CLIP3: variants seen among roughly 807,000 people sequenced by gnomAD.
CLIP3 encodes CAP-Gly domain-containing linker protein 3.
CLIP3 carries 15 observed loss-of-function variants against 59.4 expected under a neutral mutation model. The observed-to-expected ratio is 0.25, with a 90% CI of 0.17 to 0.39. The LOEUF (loss-of-function observed/expected upper bound fraction) is 0.39. Ranked by LOEUF, CLIP3 falls within the 10% of genes least tolerant of loss-of-function variation. CLIP3 has a pLI of 1.00. For missense variants in CLIP3, 495 were observed against 765.7 expected (o/e 0.65, Z 4.17); for synonymous variants, 300 against 321.6 (o/e 0.93, Z 0.72).
rs1322387420 is a variant in CLIP3, at chr19:36,016,667, C to T, written c.1589+240G>A. The T allele has an allele frequency of 1.8e-6, 1 of 552,044 alleles. No homozygotes were observed. Among genetic ancestry groups the T allele is most frequent in the Non-Finnish European group, 3.3e-6 (1 of 307,546 alleles). 34.2% of individuals were successfully genotyped at this position (552,044 alleles called of 1,614,324 possible). A position where few individuals can be genotyped will look rare whatever the true frequency, so the allele number is the denominator to read the frequency against. On this transcript the variant is annotated intron_variant, in intron 13 of 13. Transcript: ENST00000360535. The surrounding 1 kb of genome is among the most constrained non-coding windows in gnomAD (Gnocchi z 4.1). ...CCGGTCTCTAGCTGTTGTTCTGAGG[C>T]TCGTATGGAGTGAAGGGTGTTCTGC... is the stretch of plus-strand genomic sequence containing the variant.
At chr19:36,023,695 C>T (rs186122715) in intron 7 of CLIP3, among the ~76,000 whole-genome samples, 27 of 152,120 alleles carry the variant, frequency 1.8e-4, no homozygotes, top group Non-Finnish European at 2.9e-4. Context: ...TGTGAACTAC[C>T]GTGCCCAGCC....
rs1217729766 is a variant in CLIP3 at position 36,015,455 on chromosome 19, G to C, written c.*703C>G. The C allele has an allele frequency of 6.5e-6, 1 of 152,852 alleles. No individual in the cohort carries two copies. The highest frequency in any genetic ancestry group is 1.5e-5 in the Non-Finnish European group (1 of 68,186). The allele number at this position is 152,852 out of a possible 1,614,324, so 9.5% of individuals were successfully genotyped here. On this transcript the variant is annotated 3_prime_UTR_variant, in exon 14 of 14. Coordinates refer to ENST00000360535, the MANE Select transcript of CLIP3 (RefSeq NM_015526.3). ...GGGTGGGCTTCATACAAGGCACTGG[G>C]GGTTTCTTGAGGGTGCAGAGGGTAG...
At chr19:36,031,062 C>T (rs1311203332) in intron 2 of CLIP3, among the ~76,000 whole-genome samples, 1 of 110,526 alleles carries the variant, frequency 9.0e-6, no homozygotes. Flanking sequence ...TACTCTGTCA[C>T]TCAGGCTGGA....
chr19:36,021,857 TG>T (rs1968958749), intron 7 of CLIP3, among the ~76,000 whole-genome samples: 1 of 152,050 alleles, frequency 6.6e-6, no homozygotes, highest in Non-Finnish European at 1.5e-5. Flanking sequence ...AATTAATTAG[TG>T]CTGATCTTTT....
chr19:36,027,048 G>A lies in CLIP3; in HGVS notation c.307-3C>T, dbSNP rs375601046. 4.5e-4 allele frequency: 719 copies of A among 1,601,184 alleles called. 3 individuals are homozygous for A. In the Middle Eastern group the frequency reaches 5.3e-3, roughly 12 times the overall value. On this transcript the variant is annotated splice_polypyrimidine_tract_variant and splice_region_variant and intron_variant, in intron 3 of 13. Coordinates refer to ENST00000360535, the MANE Select transcript of CLIP3 (RefSeq NM_015526.3). Reference sequence around the variant, plus strand: ...ACATGGCAGCCTCGGCGCAGAATCTGTGAGTACCAGGGGAGCAGGGAGGGT... The same window carrying A: ...ACATGGCAGCCTCGGCGCAGAATCTATGAGTACCAGGGGAGCAGGGAGGGT...
In CLIP3 at chr19:36,018,004, G is replaced by C; in HGVS notation, c.1184-13C>G. On this transcript the variant is annotated splice_polypyrimidine_tract_variant and intron_variant, in intron 9 of 13. Coordinates refer to ENST00000360535, the MANE Select transcript of CLIP3 (RefSeq NM_015526.3). ...GTCTTCTTCTTGCCTAAGGGTAGAA[G>C]GTGTAGGAGGTGGGTAGTGGGGCTG... The C allele has an allele frequency of 1.2e-6, 2 of 1,613,316 alleles. No homozygotes were observed. Among genetic ancestry groups the C allele is most frequent in the African/African-American group, 1.3e-5 (1 of 75,028 alleles).
chr19:36,026,317 C>T lies in CLIP3; in HGVS notation c.563-52G>A, dbSNP rs1024125358. On this transcript the variant is annotated intron_variant, in intron 5 of 13. Transcript: ENST00000360535. The surrounding 1 kb of genome is among the most constrained non-coding windows in gnomAD (Gnocchi z 6.3). ...CGGGTGAGCGCCTGTGGGACCCCAG[C>T]CCTCCTCCCACCTCGGGGCTCATCT... 2.7e-6 allele frequency: 4 copies of T among 1,473,140 alleles called. No individual in the cohort carries two copies. Among genetic ancestry groups the T allele is most frequent in the East Asian group, 4.6e-5 (2 of 43,844 alleles). 91.3% of individuals were successfully genotyped at this position (1,473,140 alleles called of 1,614,324 possible). A position where few individuals can be genotyped will look rare whatever the true frequency, so the allele number is the denominator to read the frequency against.
rs1305972774 is a variant in CLIP3 at position 36,016,897 on chromosome 19, G to C, written c.1589+10C>G. ...TCACATAGGAGAGGGGACAGGGGTT[G>C]GCCACACACCTGGAAATGGAGTTCT... On this transcript the variant is annotated intron_variant, in intron 13 of 13. Transcript: ENST00000360535. This position sits in a 1 kb window ranked among gnomAD's most constrained non-coding sequence, Gnocchi z 4.1. 2 of 1,613,260 alleles carry C rather than the reference G, an allele frequency of 1.2e-6. No homozygotes were observed. Among genetic ancestry groups the C allele is most frequent in the East Asian group, 4.5e-5 (2 of 44,860 alleles).
chr19:36,031,259 C>T (rs1474959041), intron 2 of CLIP3, among the ~76,000 whole-genome samples: 9 of 152,004 alleles, frequency 5.9e-5, no homozygotes, highest in Non-Finnish European at 1.3e-4. Flanking sequence ...TCAGGTGATC[C>T]GCTGGCCTCA....
chr19:36,024,189 A>C (rs4806248), intron 7 of CLIP3, among the ~76,000 whole-genome samples: 65,856 of 152,038 alleles, frequency 0.43, 16,032 homozygotes, highest in African/African-American at 0.66. Context: ...GTTGTTTCCC[A>C]CCCTGGATGG....
In CLIP3 at chr19:36,015,923, A is replaced by G; in HGVS notation, c.*235T>C. ...CTGCTCTGAGGGGTTGGGGATAGGGACTAGCCTGAAGGTGCTACTCAGGGA... is the reference window on the plus strand; with the variant it reads ...CTGCTCTGAGGGGTTGGGGATAGGGGCTAGCCTGAAGGTGCTACTCAGGGA... On this transcript the variant is annotated 3_prime_UTR_variant, in exon 14 of 14. Coordinates refer to ENST00000360535, the MANE Select transcript of CLIP3 (RefSeq NM_015526.3). The G allele has an allele frequency of 1.7e-6, 1 of 586,854 alleles. No homozygotes were observed. Among genetic ancestry groups the G allele is most frequent in the South Asian group, 2.0e-5 (1 of 50,312 alleles). The allele number at this position is 586,854 out of a possible 1,614,324, so 36.4% of individuals were successfully genotyped here.
intron 6 of CLIP3, among the ~76,000 whole-genome samples, chr19:36,025,590 CAAAAAA>C (rs67275508): frequency 2.7e-5 from 3 of 110,782 alleles, no homozygotes; most frequent in Admixed American, 2.0e-4. Context: ...GTCTCTGTCT[CAAAAAA>C]AAAAAAAAAA....
intron 6 of CLIP3, among the ~76,000 whole-genome samples, chr19:36,025,078 AAAG>A (rs1210116849): frequency 1.3e-5 from 2 of 151,670 alleles, no homozygotes; most frequent in African/African-American, 4.8e-5. Context: ...AAAAAAAAAA[AAAG>A]AAGGGGCAGG....
chr19:36,017,901 G>A lies in CLIP3; in HGVS notation c.1274C>T (p.Ala425Val), dbSNP rs764523481. 4.3e-6 allele frequency: 7 copies of A among 1,613,910 alleles called. No individual in the cohort carries two copies. Among genetic ancestry groups the A allele is most frequent in the African/African-American group, 1.3e-5 (1 of 74,876 alleles). ...GCGCACGATCCCCTGCTTCTGGCCC[G>A]CGACAAGGACCTGGTCTCCAACCTC... ...KAEVGDQVLV[A>V]GQKQGIVRFY... The change falls in exon 10 of 14, where the codon GCG becomes GTG. Residue 425 changes from alanine to valine, a missense_variant. Physicochemically the swap from Ala to Val is moderately conservative, Grantham distance 64. Coordinates refer to ENST00000360535, the MANE Select transcript of CLIP3 (RefSeq NM_015526.3).
In CLIP3 at chr19:36,032,150, C is replaced by T. The variant is rs1969281893; in HGVS notation, c.166+42G>A. The T allele has an allele frequency of 3.4e-6, 4 of 1,162,228 alleles. No homozygotes were observed. The African/African-American group carries it at 6.4e-5, about 18-fold the overall frequency. The allele number at this position is 1,162,228 out of a possible 1,614,324, so 72.0% of individuals were successfully genotyped here. On this transcript the variant is annotated intron_variant, in intron 2 of 13. Coordinates refer to ENST00000360535, the MANE Select transcript of CLIP3 (RefSeq NM_015526.3). This position sits in a 1 kb window ranked among gnomAD's most constrained non-coding sequence, Gnocchi z 4.3. Reference sequence around the variant, plus strand: ...AGCACAGCCCACCCTCCCCGGCCACCCAACGCTCCAGGCCAGATTCCAGGG... The same window carrying T: ...AGCACAGCCCACCCTCCCCGGCCACTCAACGCTCCAGGCCAGATTCCAGGG...
chr19:36,026,954 A>G lies in CLIP3; in HGVS notation c.398T>C (p.Val133Ala), dbSNP rs1486187724. ...HYACKAGAHGVGDPAAAVRLS... is the reference protein window; with the variant it reads ...HYACKAGAHGAGDPAAAVRLS... ...ACTTGGGGGTAGGGGGCCCTCACCG[A>G]CTCCGTGGGCCCCAGCTTTGCACGC... Residue 133 changes from valine (V) to alanine (A), a missense_variant and splice_region_variant, in exon 4 of 14, where the codon GTC (valine) becomes GCC (alanine). Physicochemically the swap from Val to Ala is moderately conservative, Grantham distance 64 (BLOSUM62 0). Transcript: ENST00000360535. The surrounding 1 kb of genome is among the most constrained non-coding windows in gnomAD (Gnocchi z 6.3). 6.5e-7 allele frequency: 1 copy of G among 1,537,806 alleles called. No individual in the cohort carries two copies. Among genetic ancestry groups the G allele is most frequent in the Non-Finnish European group, 8.7e-7 (1 of 1,144,840 alleles).
intron 7 of CLIP3, among the ~76,000 whole-genome samples, chr19:36,021,284 G>A (rs943092756): frequency 6.6e-6 from 1 of 151,644 alleles, no homozygotes; most frequent in African/African-American, 2.4e-5. Flanking sequence ...ATCATCTGGC[G>A]GAAACTTTTT....
rs1969110744 is a variant in CLIP3, at chr19:36,026,445, G to A, written c.562+141C>T. On this transcript the variant is annotated intron_variant, in intron 5 of 13. Transcript: ENST00000360535. This position sits in a 1 kb window ranked among gnomAD's most constrained non-coding sequence, Gnocchi z 6.3. ...GACCCTCCCTAGAGTGGTAGTCCCTGAGCCCCCTCTCCCACGCCTCCAACC... is the reference window on the plus strand; with the variant it reads ...GACCCTCCCTAGAGTGGTAGTCCCTAAGCCCCCTCTCCCACGCCTCCAACC... 6 of 1,236,026 alleles carry A rather than the reference G, an allele frequency of 4.9e-6. No individual in the cohort carries two copies. The highest frequency in any genetic ancestry group is 6.7e-6 in the Non-Finnish European group (6 of 889,646). 76.6% of individuals were successfully genotyped at this position (1,236,026 alleles called of 1,614,324 possible).
At chr19:36,024,191 C>G (rs182616133) in intron 7 of CLIP3, among the ~76,000 whole-genome samples, 3 of 152,212 alleles carry the variant, frequency 2.0e-5, no homozygotes, top group African/African-American at 4.8e-5. Flanking sequence ...TGTTTCCCAC[C>G]CTGGATGGAG....
Sources: gnomAD v4.1 joint callset for allele counts (sites outside exome capture counted in the v4.1 genomes callset) on GRCh38, gnomAD v4.1.1 for gene constraint, Gnocchi (gnomAD v3.1) non-coding constraint, MANE v1.5 for transcripts, NCBI Gene and HGNC (gene_info 2026-07-23, HGNC 2026-07-21) for gene names.